The following RBFOX1 variants were observed in gnomAD, a reference collection of about 807,000 sequenced individuals.
RBFOX1 encodes the protein RNA binding protein fox-1 homolog 1.
A neutral mutation model predicts 57.7 loss-of-function variants in RBFOX1; 8 were observed. The ratio of observed to expected loss-of-function variants is 0.14; its 90% confidence interval spans 0.08 to 0.25. The LOEUF is 0.25. Among genes scored for constraint, RBFOX1 ranks in the 10% least tolerant of loss-of-function variants. The pLI is 1.00. For synonymous variants in RBFOX1, 326 were observed against 222.4 expected (o/e 1.47, Z -4.15); for missense variants, 611 against 548.5 (o/e 1.11, Z -1.14).
chr16:5,547,770 T>C (rs1459414397), intron 2 of RBFOX1, among the ~76,000 whole-genome samples: 1 of 152,170 alleles, frequency 6.6e-6, no homozygotes. Context: ...CTGGAGGCCA[T>C]TATCCTAAGC....
chr16:6,259,391 A>C (rs1298933610), intron 1 of RBFOX1, among the ~76,000 whole-genome samples: 1 of 152,190 alleles, frequency 6.6e-6, no homozygotes, highest in African/African-American at 2.4e-5. Flanking sequence ...CAGCCTAAGC[A>C]AGTGAAATAA....
At chr16:5,861,926 G>A (rs1228000662) in intron 3 of RBFOX1, among the ~76,000 whole-genome samples, 1 of 152,160 alleles carries the variant, frequency 6.6e-6, no homozygotes, top group African/African-American at 2.4e-5. Context: ...CCTGTGGGGG[G>A]AATGGAGGAG....
At chr16:5,524,666 A>G (rs8055440) in intron 2 of RBFOX1, among the ~76,000 whole-genome samples, 73,183 of 151,000 alleles carry the variant, frequency 0.48, 20,870 homozygotes, top group East Asian at 0.96. Context: ...TCAGCCTTCC[A>G]AGTAGCCGGG....
At chr16:6,447,540 T>C (rs1448071734) in intron 2 of RBFOX1, among the ~76,000 whole-genome samples, 1 of 152,220 alleles carries the variant, frequency 6.6e-6, no homozygotes, top group African/African-American at 2.4e-5. Context: ...GGAGGTTGTC[T>C]GTCATATCAG....
rs528222607 is a variant in RBFOX1 at position 6,936,313 on chromosome 16, C to G, written c.-15-115744C>G. The stretch of plus-strand genomic sequence containing the variant: ...TATGCCGTTAAGTTTGTTGGAAATG[C>G]AAGATATTTGTTTTAATTACCAAGT... On this transcript the variant is annotated intron_variant, in intron 3 of 15. Coordinates refer to ENST00000550418, the MANE Select transcript of RBFOX1 (RefSeq NM_018723.4). Among the ~76,000 whole-genome samples the G allele has an allele frequency of 2.6e-5, 4 of 152,130 alleles. No individual in the cohort carries two copies. In the South Asian group the frequency reaches 6.2e-4, roughly 24 times the overall value.
intron 1 of RBFOX1, among the ~76,000 whole-genome samples, chr16:6,071,945 G>T (rs1460459328): frequency 6.6e-6 from 1 of 152,156 alleles, no homozygotes; most frequent in East Asian, 1.9e-4. Flanking sequence ...ATATTCCATT[G>T]TATGTATACA....
intron 5 of RBFOX1, among the ~76,000 whole-genome samples, chr16:7,570,854 A>G (rs900699000): frequency 1.3e-5 from 2 of 152,250 alleles, no homozygotes; most frequent in Non-Finnish European, 2.9e-5. Context: ...CATCAATGAT[A>G]GATTAAAGAA....
At position 6,905,135 on chromosome 16, in the gene RBFOX1, G is replaced by A. The variant is rs144343249; in HGVS notation, c.-15-146922G>A. On this transcript the variant is annotated intron_variant, in intron 3 of 15. Transcript: ENST00000550418. The stretch of plus-strand genomic sequence containing the variant: ...CCAAAAAGACTGTTTTGCAGCATTA[G>A]CATTTTACAGTTGGTCAGGGTTTTC... Among the ~76,000 whole-genome samples, 1,002 of 152,164 alleles carry A rather than the reference G, an allele frequency of 6.6e-3. 13 individuals are homozygous for A. Among genetic ancestry groups the A allele is most frequent in the African/African-American group, 0.023 (947 of 41,516 alleles).
At chr16:5,700,803 C>G (rs1327545147) in intron 3 of RBFOX1, among the ~76,000 whole-genome samples, 3 of 152,302 alleles carry the variant, frequency 2.0e-5, no homozygotes, top group Non-Finnish European at 2.9e-5. Flanking sequence ...CTTCAGTTAT[C>G]CTTCCTATGA....
intron 4 of RBFOX1, among the ~76,000 whole-genome samples, chr16:7,277,539 T>C (rs2095464678): frequency 6.6e-6 from 1 of 152,146 alleles, no homozygotes; most frequent in Non-Finnish European, 1.5e-5. Context: ...TAGATGTTCA[T>C]AATCTAGGAT....
chr16:5,552,496 G>A (rs1479285149), intron 2 of RBFOX1, among the ~76,000 whole-genome samples: 1 of 152,196 alleles, frequency 6.6e-6, no homozygotes, highest in Non-Finnish European at 1.5e-5. Context: ...GGAAAGTTTA[G>A]TAACTTACTT....
intron 1 of RBFOX1, among the ~76,000 whole-genome samples, chr16:5,429,500 G>C (rs946237929): frequency 9.9e-5 from 15 of 152,194 alleles, no homozygotes; most frequent in African/African-American, 3.6e-4. Context: ...TGAGGGGCCT[G>C]TGGGGTCCTG....
intron 2 of RBFOX1, among the ~76,000 whole-genome samples, chr16:6,528,281 G>T (rs1032482965): frequency 1.3e-5 from 2 of 152,162 alleles, no homozygotes; most frequent in Admixed American, 6.5e-5. Context: ...TCAACTCTCA[G>T]AGACAATTAG....
At chr16:6,816,109 A>T (rs553409903) in intron 3 of RBFOX1, among the ~76,000 whole-genome samples, 1 of 152,008 alleles carries the variant, frequency 6.6e-6, no homozygotes, top group Non-Finnish European at 1.5e-5. Context: ...GGAGTTCGAG[A>T]CCAGCCTGTG....
At chr16:7,690,086 C>G (rs1042339963) in intron 14 of RBFOX1, among the ~76,000 whole-genome samples, 2 of 152,018 alleles carry the variant, frequency 1.3e-5, no homozygotes, top group African/African-American at 2.4e-5. Flanking sequence ...CTCTTGAATC[C>G]CTCTGCCTTG....
At chr16:5,566,440 T>G (rs2046070539) in intron 2 of RBFOX1, among the ~76,000 whole-genome samples, 1 of 152,086 alleles carries the variant, frequency 6.6e-6, no homozygotes, top group Non-Finnish European at 1.5e-5. Context: ...AAAAGAGACT[T>G]TGGAAGTGGA....
intron 3 of RBFOX1, among the ~76,000 whole-genome samples, chr16:6,663,862 A>G (rs527270307): frequency 1.2e-4 from 19 of 152,356 alleles, no homozygotes; most frequent in African/African-American, 4.3e-4. Context: ...GAGGTTGAGC[A>G]TGGCATGACT....
At chr16:6,462,233 T>C (rs556188532) in intron 2 of RBFOX1, among the ~76,000 whole-genome samples, 1 of 152,318 alleles carries the variant, frequency 6.6e-6, no homozygotes, top group South Asian at 2.1e-4. Context: ...AGTCCTCCAG[T>C]CTCACTCTGG....
chr16:7,406,244 A>C (rs2098338051), intron 4 of RBFOX1, among the ~76,000 whole-genome samples: 1 of 152,318 alleles, frequency 6.6e-6, no homozygotes, highest in South Asian at 2.1e-4. Context: ...ATTAAAGAAG[A>C]GTTGCCATAT....
Sources: allele counts gnomAD v4.1 joint callset (sites outside exome capture counted in the v4.1 genomes callset), GRCh38; gene constraint gnomAD v4.1.1; transcripts MANE v1.5; gene names NCBI Gene and HGNC (gene_info 2026-07-23, HGNC 2026-07-21).